HSD17B13: variants seen among roughly 807,000 people sequenced by gnomAD.
HSD17B13 encodes hydroxysteroid 17-beta dehydrogenase 13, also known as 17-beta-hydroxysteroid dehydrogenase 13.
HSD17B13 carries 26 observed loss-of-function variants against 31.1 expected under a neutral mutation model. The observed-to-expected ratio is 0.84, with a 90% CI of 0.61 to 1.16. The LOEUF (loss-of-function observed/expected upper bound fraction) is 1.16, where lower values mean the gene tolerates loss of function less well. Ranked by LOEUF, HSD17B13 falls within the 50% of genes most tolerant of loss-of-function variation. The probability of loss-of-function intolerance (pLI) is 0.00; values close to 1 mark genes in which losing one functional copy is unlikely to be tolerated. For synonymous variants in HSD17B13, 141 were observed against 133.7 expected (o/e 1.05, Z -0.38); for missense variants, 374 against 366.5 (o/e 1.02, Z -0.17).
intron 6 of HSD17B13, among the ~76,000 whole-genome samples, chr4:87,306,770 G>C (rs1734398944): frequency 6.6e-6 from 1 of 151,886 alleles, no homozygotes; most frequent in Admixed American, 6.6e-5. Context: ...AGCCAGGTGT[G>C]GTGGCACATG....
chr4:87,310,345 A>G lies in HSD17B13; in HGVS notation c.710T>C (p.Leu237Ser). 6.6e-7 allele frequency: 1 copy of G among 1,522,418 alleles called. No homozygotes were observed. Among genetic ancestry groups the G allele is most frequent in the South Asian group, 1.3e-5 (1 of 74,730 alleles). 94.3% of individuals were successfully genotyped at this position (1,522,418 alleles called of 1,614,324 possible). A position where few individuals can be genotyped will look rare whatever the true frequency, so the allele number is the denominator to read the frequency against. ...KNPSTRLWPVLETDEVVRSLI... is the reference protein window; with the variant it reads ...KNPSTRLWPVSETDEVVRSLI... ...ACTTCTTACGACTTCATCTGTCTCC[A>G]ATACAGGCCATAATCTGTGATTAAA... The change falls in exon 6 of 7, where the codon TTG becomes TCG. Residue 237 changes from leucine (L) to serine (S), a missense_variant. Physicochemically the swap from Leu to Ser is moderately radical, Grantham distance 145 (BLOSUM62 -2). Coordinates refer to ENST00000328546, the MANE Select transcript of HSD17B13 (RefSeq NM_178135.5).
At position 87,305,130 on chromosome 4, in the gene HSD17B13, G is replaced by A. The variant is rs1578434576; in HGVS notation, c.*88C>T. ...CAATGTTTTTAATATTATCAGGACT[G>A]AAAAAATGTGAAATAAAGCTTTGCA... On this transcript the variant is annotated 3_prime_UTR_variant, in exon 7 of 7. Coordinates refer to ENST00000328546, the MANE Select transcript of HSD17B13 (RefSeq NM_178135.5). The A allele has an allele frequency of 5.0e-6, 4 of 795,438 alleles. No homozygotes were observed. The allele number at this position is 795,438 out of a possible 1,614,324, so 49.3% of individuals were successfully genotyped here.
At chr4:87,308,634 T>C (rs2110097713) in intron 6 of HSD17B13, among the ~76,000 whole-genome samples, 1 of 149,396 alleles carries the variant, frequency 6.7e-6, no homozygotes, top group South Asian at 2.1e-4. Flanking sequence ...TGAGCCAAGA[T>C]TGTGCCACTG....
At chr4:87,308,460 T>C (rs1429418774) in intron 6 of HSD17B13, among the ~76,000 whole-genome samples, 1 of 105,514 alleles carries the variant, frequency 9.5e-6, no homozygotes, top group Non-Finnish European at 1.8e-5. Flanking sequence ...CCATCCTGGC[T>C]AACAGGGTGA....
chr4:87,308,212 T>C (rs1734435163), intron 6 of HSD17B13, among the ~76,000 whole-genome samples: 1 of 152,126 alleles, frequency 6.6e-6, no homozygotes, highest in Non-Finnish European at 1.5e-5. Flanking sequence ...ATAAAGAAGA[T>C]ATTATCAGCA....
intron 5 of HSD17B13, among the ~76,000 whole-genome samples, chr4:87,312,742 A>G (rs1459677382): frequency 2.6e-5 from 4 of 151,546 alleles, no homozygotes; most frequent in African/African-American, 9.7e-5. Flanking sequence ...TGTGTTAGCC[A>G]GGATGACCTT....
chr4:87,305,017 C>T lies in HSD17B13; in HGVS notation c.*201G>A. ...TTTTTAAGAGGCATGAAAGGAAAAA[C>T]AGACCTATGAAAAACTACGTAAATA... On this transcript the variant is annotated 3_prime_UTR_variant, in exon 7 of 7. Coordinates refer to ENST00000328546, the MANE Select transcript of HSD17B13 (RefSeq NM_178135.5). The T allele has an allele frequency of 2.5e-6, 1 of 399,144 alleles. No homozygotes were observed. The allele number at this position is 399,144 out of a possible 1,614,324, so 24.7% of individuals were successfully genotyped here. A position where few individuals can be genotyped will look rare whatever the true frequency, so the allele number is the denominator to read the frequency against.
intron 1 of HSD17B13, among the ~76,000 whole-genome samples, chr4:87,320,144 C>CTTG (rs1222831746): frequency 1.3e-5 from 2 of 152,072 alleles, no homozygotes; most frequent in African/African-American, 4.8e-5. Flanking sequence ...CCTGAACTCC[C>CTTG]CAAACATGGA....
intron 3 of HSD17B13, 100 bp downstream of exon 3, chr4:87,316,992 C>T: frequency 8.4e-7 from 1 of 1,187,028 alleles, no homozygotes; most frequent in Non-Finnish European, 1.2e-6. Flanking sequence ...AGGCAAAGAT[C>T]TGGCCAGTTT....
intron 2 of HSD17B13, 54 bp from the exon 3 acceptor site, chr4:87,317,277 T>C: frequency 6.4e-7 from 1 of 1,573,486 alleles, no homozygotes; most frequent in Non-Finnish European, 8.7e-7. Context: ...ACTCAAAGTT[T>C]TGGGACCAAT....
intron 3 of HSD17B13, among the ~76,000 whole-genome samples, chr4:87,316,876 A>C (rs1015087658): frequency 6.6e-6 from 1 of 152,172 alleles, no homozygotes. Context: ...GACAAGACAG[A>C]CCAAGTAGCT....
intron 6 of HSD17B13, among the ~76,000 whole-genome samples, chr4:87,308,495 A>AAAT (rs1338081760): frequency 2.9e-5 from 2 of 69,944 alleles, no homozygotes; most frequent in Non-Finnish European, 5.3e-5. Flanking sequence ...TAAAAAAAAA[A>AAAT]AAAAAAAAAA....
chr4:87,316,649 C>T (rs75461510), intron 3 of HSD17B13, among the ~76,000 whole-genome samples: 2,315 of 152,244 alleles, frequency 0.015, 56 homozygotes, highest in African/African-American at 0.053. Context: ...CCAAAAGTGT[C>T]CTCGATCCTA....
chr4:87,320,666 C>G (rs150254883), intron 1 of HSD17B13, among the ~76,000 whole-genome samples: 1 of 152,154 alleles, frequency 6.6e-6, no homozygotes, highest in African/African-American at 2.4e-5. Flanking sequence ...GGATTACAGG[C>G]GTGAGCCACC....
intron 4 of HSD17B13, among the ~76,000 whole-genome samples, chr4:87,314,639 T>TCACACA (rs1473304485): frequency 7.4e-6 from 1 of 134,868 alleles, no homozygotes; most frequent in Non-Finnish European, 1.5e-5. Flanking sequence ...TCTCTCTCTC[T>TCACACA]CTCACACACA....
chr4:87,309,925 C>T (rs1302717861), intron 6 of HSD17B13, among the ~76,000 whole-genome samples: 1 of 151,848 alleles, frequency 6.6e-6, no homozygotes. Context: ...TTTGGGAGGC[C>T]GAGACAGGAG....
At chr4:87,320,413 G>A (rs1437263573) in intron 1 of HSD17B13, among the ~76,000 whole-genome samples, 58 of 134,682 alleles carry the variant, frequency 4.3e-4, no homozygotes, top group Admixed American at 3.3e-3. Flanking sequence ...TTGAGACGGA[G>A]TCTCGCTCTG....
rs141945688 is a variant in HSD17B13 at position 87,306,167 on chromosome 4, C to A, written c.813-859G>T. On this transcript the variant is annotated intron_variant, in intron 6 of 6. Transcript: ENST00000328546. ...CCTATGTGTGCACCTTTGTAATATT[C>A]ATAGTTCAAATTGGATGCAAATATA... Among the ~76,000 whole-genome samples the A allele has an allele frequency of 6.2e-4, 94 of 152,262 alleles. No homozygotes were observed. In the East Asian group the frequency reaches 0.016, roughly 26 times the overall value.
chr4:87,318,401 T>C lies in HSD17B13; in HGVS notation c.246A>G (p.Lys82=), dbSNP rs1734705910. Residue 82 remains lysine (K), a synonymous_variant, in exon 2 of 7, where the codon AAA becomes AAG. Transcript: ENST00000328546. ...CATACGCATGCGCAGTGACGCCTAGTTTTCGGCACTCAGCTGCAGTTTCCT... is the reference window on the plus strand; with the variant it reads ...CATACGCATGCGCAGTGACGCCTAGCTTTCGGCACTCAGCTGCAGTTTCCT... ...GVEETAAECR[K]LGVTAHAYVV... The C allele has an allele frequency of 6.2e-7, 1 of 1,614,192 alleles. No individual in the cohort carries two copies. Among genetic ancestry groups the C allele is most frequent in the Non-Finnish European group, 8.5e-7 (1 of 1,180,022 alleles).
Sources: allele counts gnomAD v4.1 joint callset (sites outside exome capture counted in the v4.1 genomes callset), GRCh38; gene constraint gnomAD v4.1.1; transcripts MANE v1.5; gene names NCBI Gene and HGNC (gene_info 2026-07-23, HGNC 2026-07-21).